FAT2: variants seen among roughly 807,000 people sequenced by gnomAD.
FAT2 encodes the protein FAT atypical cadherin 2, also known as protocadherin Fat 2.
Under a neutral mutation model 295.3 loss-of-function variants are expected in FAT2, and 150 were observed. The ratio of observed to expected loss-of-function variants is 0.51; its 90% CI spans 0.44 to 0.58. The LOEUF (loss-of-function observed/expected upper bound fraction) is 0.58, where lower values mean the gene tolerates loss of function less well. Among genes scored for constraint, FAT2 ranks in the 20% least tolerant of loss-of-function variants. The probability of loss-of-function intolerance (pLI) is 0.00; values close to 1 mark genes in which losing one functional copy is unlikely to be tolerated. For synonymous variants in FAT2, 2,026 were observed against 2,150.3 expected (o/e 0.94, Z 1.60); for missense variants, 4,868 against 5,442.7 (o/e 0.89, Z 3.32).
chr5:151,531,451 A>C lies in FAT2; in HGVS notation c.9811+136T>G. The C allele has an allele frequency of 1.6e-6, 2 of 1,217,148 alleles. No individual in the cohort carries two copies. The highest frequency in any genetic ancestry group is 2.3e-6 in the Non-Finnish European group (2 of 880,678). 75.4% of individuals were successfully genotyped at this position (1,217,148 alleles called of 1,614,324 possible). A position where few individuals can be genotyped will look rare whatever the true frequency, so the allele number is the denominator to read the frequency against. ...GACCTGGTACTCGGAGAGAAGCAGAAGAGAATGGAGAAACGACCAGAGGAG... is the reference window on the plus strand; with the variant it reads ...GACCTGGTACTCGGAGAGAAGCAGACGAGAATGGAGAAACGACCAGAGGAG... On this transcript the variant is annotated intron_variant, in intron 14 of 23. Coordinates refer to ENST00000261800, the MANE Select transcript of FAT2 (RefSeq NM_001447.3). The surrounding 1 kb of genome is among the most constrained non-coding windows in gnomAD (Gnocchi z 5.7).
intron 11 of FAT2, 51 bp from the exon 12 acceptor site, chr5:151,537,997 T>C: frequency 6.4e-7 from 1 of 1,560,106 alleles, no homozygotes; most frequent in Non-Finnish European, 8.8e-7. Context: ...TGCATTCAGA[T>C]CCAGAGAGAA....
At chr5:151,540,844 A>G (rs1756057309) in intron 10 of FAT2, 81 bp from the exon 11 acceptor site, 2 of 1,302,000 alleles carry the variant, frequency 1.5e-6, no homozygotes, top group Admixed American at 4.5e-5. Context: ...TGCCCATTGG[A>G]TGCATTTTTT....
chr5:151,561,249 G>T (rs532262486), intron 3 of FAT2, among the ~76,000 whole-genome samples: 1 of 152,232 alleles, frequency 6.6e-6, no homozygotes, highest in South Asian at 2.1e-4. Context: ...AAAGTCCTGC[G>T]TGGAGGGGCC....
At chr5:151,539,152 C>T (rs60566863) in intron 11 of FAT2, among the ~76,000 whole-genome samples, 1 of 152,016 alleles carries the variant, frequency 6.6e-6, no homozygotes, top group Non-Finnish European at 1.5e-5. Context: ...CCATTCTCCC[C>T]AAAAAAGCCT....
At position 151,531,487 on chromosome 5, in the gene FAT2, G is replaced by A; in HGVS notation, c.9811+100C>T. ...AAACGACCAGAGGAGGTCTGCTCTG[G>A]GAGGCGCTGCACAGGGTAGATACCC... On this transcript the variant is annotated intron_variant, in intron 14 of 23. Transcript: ENST00000261800. This position sits in a 1 kb window ranked among gnomAD's most constrained non-coding sequence, Gnocchi z 5.7. 6.7e-7 allele frequency: 1 copy of A among 1,481,628 alleles called. No individual in the cohort carries two copies. Among genetic ancestry groups the A allele is most frequent in the Non-Finnish European group, 9.1e-7 (1 of 1,093,012 alleles). 91.8% of individuals were successfully genotyped at this position (1,481,628 alleles called of 1,614,324 possible). A position where few individuals can be genotyped will look rare whatever the true frequency, so the allele number is the denominator to read the frequency against.
intron 18 of FAT2, among the ~76,000 whole-genome samples, chr5:151,525,406 T>C (rs1753882728): frequency 6.6e-6 from 1 of 152,208 alleles, no homozygotes; most frequent in Admixed American, 6.5e-5. Context: ...CTGGCTAAGC[T>C]CTAGGAGCTA....
rs1219594950 is a variant in FAT2, at chr5:151,545,642, C to G, written c.5485G>C (p.Asp1829His). 6.2e-7 allele frequency: 1 copy of G among 1,614,160 alleles called. No individual in the cohort carries two copies. Among genetic ancestry groups the G allele is most frequent in the Non-Finnish European group, 8.5e-7 (1 of 1,180,022 alleles). The stretch of plus-strand genomic sequence containing the variant: ...TGGAAAGAGGGCATGCTCTCATAAT[C>G]CATCTCTGATACAATGGTTAGGGTT... ...MGTLTIVSEM[D>H]YESMPSFQFC... The change falls in exon 10 of 24, where the codon GAT (aspartate) becomes CAT (histidine). Residue 1829 changes from aspartate (D) to histidine (H), a missense_variant. Physicochemically the swap from Asp to His is moderately conservative, Grantham distance 81 (BLOSUM62 -1). Transcript: ENST00000261800.
chr5:151,532,900 G>T (rs1754805543), intron 13 of FAT2, among the ~76,000 whole-genome samples: 1 of 152,184 alleles, frequency 6.6e-6, no homozygotes, highest in African/African-American at 2.4e-5. Context: ...CCTCTGAGAA[G>T]AGTTGAATTT....
chr5:151,513,295 T>C (rs767400337), intron 20 of FAT2, among the ~76,000 whole-genome samples: 4 of 152,208 alleles, frequency 2.6e-5, no homozygotes, highest in Non-Finnish European at 5.9e-5. Context: ...CATACACTCA[T>C]ATGTTGATTG....
intron 21 of FAT2, chr5:151,511,799 G>A (rs1347334363): frequency 9.5e-6 from 2 of 210,072 alleles, no homozygotes; most frequent in Admixed American, 1.0e-4. Context: ...GTAAATGTTT[G>A]CCTCTAGTGT....
At chr5:151,517,107 C>CAA (rs566698678) in intron 20 of FAT2, among the ~76,000 whole-genome samples, 10 of 91,030 alleles carry the variant, frequency 1.1e-4, no homozygotes, top group African/African-American at 3.8e-4. Flanking sequence ...GACTCCATCT[C>CAA]AAAAAAAAAA....
intron 5 of FAT2, 152 bp from the exon 6 acceptor site, chr5:151,553,539 T>A: frequency 1.4e-6 from 1 of 705,734 alleles, no homozygotes; most frequent in Non-Finnish European, 2.4e-6. Flanking sequence ...GAAGGCTTGC[T>A]GTAAACAGGC....
chr5:151,553,006 G>C (rs1160860494), intron 6 of FAT2, among the ~76,000 whole-genome samples, 171 bp downstream of exon 6: 1 of 152,240 alleles, frequency 6.6e-6, no homozygotes, highest in Non-Finnish European at 1.5e-5. Context: ...CATTCTTACT[G>C]CCTGTGCTCC....
chr5:151,505,190 A>C lies in FAT2; in HGVS notation c.*375T>G, dbSNP rs1331627796. 1 of 321,928 alleles carries C rather than the reference A, an allele frequency of 3.1e-6. No homozygotes were observed. The highest frequency in any genetic ancestry group is 5.8e-6 in the Non-Finnish European group (1 of 172,530). 19.9% of individuals were successfully genotyped at this position (321,928 alleles called of 1,614,324 possible). A position where few individuals can be genotyped will look rare whatever the true frequency, so the allele number is the denominator to read the frequency against. On this transcript the variant is annotated 3_prime_UTR_variant, in exon 24 of 24. Coordinates refer to ENST00000261800, the MANE Select transcript of FAT2 (RefSeq NM_001447.3). Reference sequence around the variant, plus strand: ...AAATGGAGCTGTGGGCAGGTATGAGAATGCATCTTGGTGAAGTTGAGCCAG... The same window carrying C: ...AAATGGAGCTGTGGGCAGGTATGAGCATGCATCTTGGTGAAGTTGAGCCAG...
At chr5:151,542,136 G>A (rs1756211181) in intron 10 of FAT2, 149 bp downstream of exon 10, 1 of 656,308 alleles carries the variant, frequency 1.5e-6, no homozygotes, top group Non-Finnish European at 2.6e-6. Flanking sequence ...TCTATAGGTG[G>A]AGAAACTGAG....
rs1758311479 is a variant in FAT2 at position 151,567,168 on chromosome 5, G to A, written c.1764C>T (p.Ala588=). ...GGTTCTGAAGCTCATCCACATCTAT[G>A]GCTGACATAGTCATTATCGATTTCC... ...PVGKSIMTMS[A]IDVDELQNLK... Residue 588 remains alanine (A), a synonymous_variant, in exon 2 of 24, where the codon GCC becomes GCT. Coordinates refer to ENST00000261800, the MANE Select transcript of FAT2 (RefSeq NM_001447.3). 6.2e-7 allele frequency: 1 copy of A among 1,614,144 alleles called. No homozygotes were observed. The highest frequency in any genetic ancestry group is 1.1e-5 in the South Asian group (1 of 91,086).
chr5:151,525,688 T>C, intron 18 of FAT2, 80 bp downstream of exon 18: 1 of 1,522,984 alleles, frequency 6.6e-7, no homozygotes, highest in Non-Finnish European at 9.1e-7. Flanking sequence ...TTTTCCCTAA[T>C]GACAGAAGCA....
At chr5:151,507,054 C>T (rs901329361) in intron 23 of FAT2, 100 bp downstream of exon 23, 16 of 1,021,644 alleles carry the variant, frequency 1.6e-5, no homozygotes, top group Middle Eastern at 2.1e-4. Flanking sequence ...GGGTTGGATG[C>T]GTGGTAGCTA....
intron 18 of FAT2, among the ~76,000 whole-genome samples, chr5:151,522,639 T>G (rs984095525): frequency 1.3e-5 from 2 of 152,128 alleles, no homozygotes; most frequent in African/African-American, 2.4e-5. Context: ...GATAAAATGC[T>G]GGGAAGGAAA....
Sources: gnomAD v4.1 joint callset for allele counts (sites outside exome capture counted in the v4.1 genomes callset) on GRCh38, gnomAD v4.1.1 for gene constraint, Gnocchi (gnomAD v3.1) non-coding constraint, MANE v1.5 for transcripts, NCBI Gene and HGNC (gene_info 2026-07-23, HGNC 2026-07-21) for gene names.